Variants in RABL6 observed in about 807,000 individuals in gnomAD.
RABL6 encodes the protein rab-like protein 6.
A neutral mutation model predicts 72.9 loss-of-function variants in RABL6; 28 were observed. The observed-to-expected ratio is 0.38, with a 90% CI of 0.28 to 0.53. The LOEUF is 0.53. Ranked by LOEUF, RABL6 falls within the 20% of genes least tolerant of loss-of-function variation. The probability of loss-of-function intolerance (pLI) is 0.80; values close to 1 mark genes in which losing one functional copy is unlikely to be tolerated. For missense variants in RABL6, 1,029 were observed against 1,008.4 expected (o/e 1.02, Z -0.28); for synonymous variants, 477 against 421.2 (o/e 1.13, Z -1.62).
Position 136,840,516 on chromosome 9 carries a change from G to C in RABL6, c.2184G>C (p.Glu728Asp). 1 of 1,540,586 alleles carries C rather than the reference G, an allele frequency of 6.5e-7. No individual in the cohort carries two copies. The highest frequency in any genetic ancestry group is 1.2e-5 in the South Asian group (1 of 83,350). ...ACCCTGGGGGTGGCGACTACGAGGA[G>C]CTCTAGGCCGGCGTGGGCAGTGGCC... ...GRHPGGGDYE[E>D]L The change falls in exon 15 of 15, where the codon GAG becomes GAC. Residue 728 changes from glutamate to aspartate, a missense_variant. Physicochemically the swap from Glu to Asp is conservative, Grantham distance 45 (BLOSUM62 2). This residue lies in a region of RABL6 where 595 missense variants were observed against 472.4 expected (regional missense o/e 1.26). Transcript: ENST00000311502.
chr9:136,837,108 C>T (rs1194019648), intron 8 of RABL6: 6 of 660,150 alleles, frequency 9.1e-6, no homozygotes, highest in African/African-American at 5.3e-5. Flanking sequence ...ACCTCCTGAC[C>T]TCGTGATCTG....
At chr9:136,822,388 G>A (rs1204592966) in intron 1 of RABL6, among the ~76,000 whole-genome samples, 3 of 152,124 alleles carry the variant, frequency 2.0e-5, no homozygotes, top group African/African-American at 7.2e-5. Flanking sequence ...GACGGCCAGG[G>A]CTTCTCTCTC....
chr9:136,809,940 G>C (rs1168801931), intron 1 of RABL6: 2 of 152,990 alleles, frequency 1.3e-5, no homozygotes, highest in Non-Finnish European at 2.9e-5. Context: ...CTGGGGGCTC[G>C]CTGAAGAAGT....
chr9:136,833,720 A>G, intron 7 of RABL6: 1 of 1,550,352 alleles, frequency 6.5e-7, no homozygotes, highest in Non-Finnish European at 8.7e-7. Flanking sequence ...CTTTCTCCAG[A>G]AGGATGTCAG....
At chr9:136,811,500 C>G (rs1265544751) in intron 1 of RABL6, among the ~76,000 whole-genome samples, 1 of 151,910 alleles carries the variant, frequency 6.6e-6, no homozygotes, top group Non-Finnish European at 1.5e-5. Flanking sequence ...TGCCTGTAAT[C>G]CCAGCTACTC....
In RABL6 at chr9:136,839,418, C is replaced by A; in HGVS notation, c.1690C>A (p.Gln564Lys). The A allele has an allele frequency of 6.2e-7, 1 of 1,612,608 alleles. No individual in the cohort carries two copies. The part of the protein sequence containing the change: ...ESDPEGPIAA[Q>K]MLSFVMDDPD... ...TGACCCCGAGGGACCCATTGCTGCA[C>A]AAATGCTGTCCTTCGTCATGGATGA... The change falls in exon 12 of 15, where the codon CAA (glutamine) becomes AAA (lysine). Residue 564 changes from glutamine (Q) to lysine (K), a missense_variant. By Grantham distance (53) the Gln-to-Lys change is moderately conservative. This residue lies in a region of RABL6 where 595 missense variants were observed against 472.4 expected (regional missense o/e 1.26). Transcript: ENST00000311502.
chr9:136,819,002 C>A (rs187551098), intron 1 of RABL6, among the ~76,000 whole-genome samples: 158 of 152,184 alleles, frequency 1.0e-3, no homozygotes, highest in Non-Finnish European at 1.8e-3. Context: ...CAAATAAATA[C>A]CAGGTAGAAA....
intron 1 of RABL6, chr9:136,822,096 G>A (rs1386652344): frequency 1.6e-6 from 2 of 1,287,338 alleles, no homozygotes; most frequent in South Asian, 2.5e-5. Flanking sequence ...CCAGGAGAGA[G>A]GAGCCGGGTG....
chr9:136,815,596 G>A (rs970000947), intron 1 of RABL6: 2 of 174,150 alleles, frequency 1.1e-5, no homozygotes, highest in African/African-American at 4.8e-5. Context: ...GGAGCAAGGT[G>A]TGGCTGACAC....
intron 7 of RABL6, chr9:136,832,911 A>C: frequency 3.1e-6 from 1 of 323,992 alleles, no homozygotes; most frequent in Non-Finnish European, 6.0e-6. Context: ...TGTGGCTGCA[A>C]AGTAGCCCAG....
intron 13 of RABL6, 106 bp from the exon 14 acceptor site, chr9:136,840,048 G>A (rs1848660448): frequency 3.2e-6 from 5 of 1,543,470 alleles, no homozygotes; most frequent in Admixed American, 3.4e-5. Flanking sequence ...AGGGCCTCCT[G>A]GAGGGCTGGG....
intron 7 of RABL6, chr9:136,833,486 C>A (rs1226345302): frequency 3.6e-4 from 173 of 482,072 alleles, no homozygotes; most frequent in South Asian, 1.9e-3. Context: ...GGCTGCCCCG[C>A]CTGGGTCTGG....
intron 1 of RABL6, among the ~76,000 whole-genome samples, chr9:136,817,278 A>G (rs1434707562): frequency 6.6e-6 from 1 of 152,178 alleles, no homozygotes; most frequent in Admixed American, 6.5e-5. Context: ...AGAGCAAGAA[A>G]GGAGAAAGGG....
chr9:136,831,315 C>T (rs563335679), intron 5 of RABL6, among the ~76,000 whole-genome samples: 37 of 152,278 alleles, frequency 2.4e-4, no homozygotes, highest in African/African-American at 2.2e-4. Flanking sequence ...TCGGCTGCCC[C>T]GGTGGGCAGG....
In RABL6 at chr9:136,821,341, G is replaced by C. The variant is rs1161249932; in HGVS notation, c.131-2184G>C. 9 of 985,246 alleles carry C rather than the reference G, an allele frequency of 9.1e-6. No individual in the cohort carries two copies. In the East Asian group the frequency reaches 9.1e-4, roughly 99 times the overall value. 61.0% of individuals were successfully genotyped at this position (985,246 alleles called of 1,614,324 possible). ...TTGCTAACGCCCCACTCCCGGGAAA[G>C]ACCCGGAGACGGGACCACCGCATGT... On this transcript the variant is annotated intron_variant, in intron 1 of 14. Coordinates refer to ENST00000311502, the MANE Select transcript of RABL6 (RefSeq NM_024718.5).
chr9:136,822,251 G>A (rs926072663), intron 1 of RABL6, among the ~76,000 whole-genome samples: 1 of 152,188 alleles, frequency 6.6e-6, no homozygotes, highest in African/African-American at 2.4e-5. Context: ...ATGGGGGAGC[G>A]GGCGGGAGGC....
At position 136,840,360 on chromosome 9, in the gene RABL6, G is replaced by A. The variant is rs757795185; in HGVS notation, c.2028G>A (p.Lys676=). The A allele has an allele frequency of 3.8e-6, 6 of 1,558,780 alleles. No individual in the cohort carries two copies. The highest frequency in any genetic ancestry group is 4.3e-6 in the Non-Finnish European group (5 of 1,151,770). The change falls in exon 15 of 15, where the codon AAG becomes AAA. Residue 676 remains lysine (K), a synonymous_variant. Transcript: ENST00000311502. ...CTGCCAAGAAGAAGAGCAAACACAA[G>A]AAGAGCAAGGACAAGGAGGAGGGCA... ...EKAAKKKSKH[K]KSKDKEEGKE...
rs200850241 is a variant in RABL6, at chr9:136,838,995, C to G, written c.1367C>G (p.Pro456Arg). 1.9e-6 allele frequency: 3 copies of G among 1,612,000 alleles called. No homozygotes were observed. The highest frequency in any genetic ancestry group is 2.5e-6 in the Non-Finnish European group (3 of 1,179,594). The change falls in exon 11 of 15, where the codon CCG (proline) becomes CGG (arginine). Residue 456 changes from proline (P) to arginine (R), a missense_variant. By Grantham distance (103) the Pro-to-Arg change is moderately radical. Transcript: ENST00000311502. ...DLEDQPRGSP[P>R]LPAGPVPSQD... ...GAAGACCAGCCACGTGGGAGTCCCC[C>G]GCTGCCTGCAGGCCCCGTCCCCAGT...
intron 5 of RABL6, among the ~76,000 whole-genome samples, chr9:136,829,744 T>C (rs1382545520): frequency 6.6e-6 from 1 of 152,246 alleles, no homozygotes; most frequent in African/African-American, 2.4e-5. Flanking sequence ...GCACCTTCCA[T>C]AGCCCCACTG....
Sources: gnomAD v4.1 joint callset for allele counts (sites outside exome capture counted in the v4.1 genomes callset) on GRCh38, gnomAD v4.1.1 for gene constraint, gnomAD v4.1.1 regional missense constraint, MANE v1.5 for transcripts, NCBI Gene and HGNC (gene_info 2026-07-23, HGNC 2026-07-21) for gene names.